Variants in CNTN5 observed in about 807,000 individuals in gnomAD.
CNTN5 encodes the protein contactin 5.
Under a neutral mutation model 129.1 loss-of-function variants are expected in CNTN5, and 77 were observed. The ratio of observed to expected loss-of-function variants is 0.60; its 90% CI spans 0.50 to 0.72. The LOEUF (loss-of-function observed/expected upper bound fraction) is 0.72, where lower values mean the gene tolerates loss of function less well. Ranked by LOEUF, CNTN5 falls within the 30% of genes least tolerant of loss-of-function variation. The probability of loss-of-function intolerance (pLI) is 0.00; values close to 1 mark genes in which losing one functional copy is unlikely to be tolerated. For synonymous variants in CNTN5, 509 were observed against 465.6 expected, an observed-to-expected ratio of 1.09 and a Z score of -1.20; for missense variants, 1,478 against 1,328.8, an observed-to-expected ratio of 1.11 and a Z score of -1.75.
At chr11:99,336,912 A>T (rs1043338692) in intron 2 of CNTN5, among the ~76,000 whole-genome samples, 6 of 152,176 alleles carry the variant, frequency 3.9e-5, no homozygotes, top group Admixed American at 6.5e-5. Flanking sequence ...CAGCATGACA[A>T]TTCACAATAG....
At chr11:99,864,315 C>G (rs75376105) in intron 6 of CNTN5, among the ~76,000 whole-genome samples, 1 of 151,856 alleles carries the variant, frequency 6.6e-6, no homozygotes, top group Admixed American at 6.6e-5. Context: ...TAACAGATTA[C>G]TACTCCCTTT....
At chr11:99,770,257 A>G (rs1422025588) in intron 3 of CNTN5, among the ~76,000 whole-genome samples, 3 of 152,132 alleles carry the variant, frequency 2.0e-5, no homozygotes, top group Non-Finnish European at 4.4e-5. Flanking sequence ...AAAATATAAA[A>G]ACATTTACAT....
intron 3 of CNTN5, among the ~76,000 whole-genome samples, chr11:99,777,488 T>C (rs1180721596): frequency 6.6e-6 from 1 of 151,910 alleles, no homozygotes; most frequent in Non-Finnish European, 1.5e-5. Context: ...AAAAATAACA[T>C]GTTTGGAATT....
At chr11:99,541,579 T>C (rs180853748) in intron 2 of CNTN5, among the ~76,000 whole-genome samples, 1 of 152,230 alleles carries the variant, frequency 6.6e-6, no homozygotes, top group Admixed American at 6.5e-5. Context: ...GATACAAGAT[T>C]GCTCAGGGAA....
intron 2 of CNTN5, among the ~76,000 whole-genome samples, chr11:99,328,196 G>A (rs1239338433): frequency 6.6e-6 from 1 of 152,158 alleles, no homozygotes; most frequent in African/African-American, 2.4e-5. Flanking sequence ...TAAATTAACA[G>A]TGCTACTACT....
intron 3 of CNTN5, among the ~76,000 whole-genome samples, chr11:99,739,921 T>C (rs998360361): frequency 2.0e-5 from 3 of 152,138 alleles, no homozygotes; most frequent in African/African-American, 7.2e-5. Flanking sequence ...ACCATAACCT[T>C]GAGTTGTCTG....
intron 15 of CNTN5, among the ~76,000 whole-genome samples, chr11:100,205,312 C>T (rs962396311): frequency 1.3e-5 from 2 of 152,156 alleles, no homozygotes; most frequent in Admixed American, 1.3e-4. Context: ...TCAGAATCCT[C>T]TAGTTTCTTT....
intron 3 of CNTN5, among the ~76,000 whole-genome samples, chr11:99,671,490 A>G (rs538916871): frequency 6.6e-6 from 1 of 152,144 alleles, no homozygotes; most frequent in African/African-American, 2.4e-5. Context: ...AGTGAAACAC[A>G]TGCAAATAGC....
intron 3 of CNTN5, among the ~76,000 whole-genome samples, chr11:99,569,937 C>T (rs950533629): frequency 1.3e-5 from 2 of 151,672 alleles, no homozygotes; most frequent in East Asian, 1.9e-4. Context: ...ATTATCTTAG[C>T]TTAGTTCAGG....
chr11:100,231,305 G>T (rs1264476463), intron 16 of CNTN5, among the ~76,000 whole-genome samples: 1 of 152,124 alleles, frequency 6.6e-6, no homozygotes, highest in Non-Finnish European at 1.5e-5. Flanking sequence ...AAAGCAGATG[G>T]GACAATAACG....
At chr11:100,273,638 G>A (rs569363371) in intron 18 of CNTN5, among the ~76,000 whole-genome samples, 2 of 152,138 alleles carry the variant, frequency 1.3e-5, no homozygotes, top group Non-Finnish European at 2.9e-5. Flanking sequence ...CAGGCACACA[G>A]TTGTCATCAG....
At chr11:99,488,498 G>A (rs1006175490) in intron 2 of CNTN5, among the ~76,000 whole-genome samples, 2 of 152,058 alleles carry the variant, frequency 1.3e-5, no homozygotes, top group Non-Finnish European at 2.9e-5. Flanking sequence ...TCCTTCTACT[G>A]TGTGGCTTTC....
At position 99,030,204 on chromosome 11, in the gene CNTN5, G is replaced by A. The variant is rs12280190; in HGVS notation, c.-210+8934G>A. 8.6e-3 allele frequency among the ~76,000 whole-genome samples: 1,299 copies of A among 151,506 alleles called. 19 individuals carry two copies. The highest frequency in any genetic ancestry group is 0.03 in the African/African-American group (1,225 of 41,334). On this transcript the variant is annotated intron_variant, in intron 1 of 24. Transcript: ENST00000524871. ...CTACTAACTCATAGTTTTTTTTTGC[G>A]AGAAGGAAATGAGACTGTAGATTTA...
rs1591524798 is a variant in CNTN5, at chr11:99,325,443, C to G, written c.-112C>G. The G allele has an allele frequency of 6.6e-6, 1 of 152,048 alleles. No individual in the cohort carries two copies. 9.4% of individuals were successfully genotyped at this position (152,048 alleles called of 1,614,324 possible). A position where few individuals can be genotyped will look rare whatever the true frequency, so the allele number is the denominator to read the frequency against. On this transcript the variant is annotated 5_prime_UTR_variant, in exon 2 of 25. Transcript: ENST00000524871. The stretch of plus-strand genomic sequence containing the variant: ...AGGATTACTTTACAGATACCAGTTC[C>G]TTTGTCAAGAGCATACTTTGGACCC...
intron 3 of CNTN5, among the ~76,000 whole-genome samples, chr11:99,578,170 A>G (rs976257566): frequency 6.6e-6 from 1 of 151,884 alleles, no homozygotes; most frequent in Non-Finnish European, 1.5e-5. Context: ...ATCCTTTTTC[A>G]TGGCTGCATA....
chr11:100,273,670 G>A (rs537850890), intron 18 of CNTN5, among the ~76,000 whole-genome samples: 11 of 152,154 alleles, frequency 7.2e-5, no homozygotes, highest in East Asian at 1.9e-4. Flanking sequence ...CACCACCATC[G>A]CTCCAGGCCC....
At chr11:100,005,500 G>T (rs559348905) in intron 9 of CNTN5, among the ~76,000 whole-genome samples, 1 of 152,174 alleles carries the variant, frequency 6.6e-6, no homozygotes, top group East Asian at 1.9e-4. Flanking sequence ...GCTTTTAAGT[G>T]CACAATACAA....
At chr11:99,344,226 A>G (rs1866651329) in intron 2 of CNTN5, among the ~76,000 whole-genome samples, 1 of 152,200 alleles carries the variant, frequency 6.6e-6, no homozygotes, top group Non-Finnish European at 1.5e-5. Context: ...CTTGCTGATA[A>G]GTAAAATTAA....
rs370699713 is a variant in CNTN5, at chr11:100,036,321, G to A, written c.981-24891G>A. Among the ~76,000 whole-genome samples, 866 of 151,958 alleles carry A rather than the reference G, an allele frequency of 5.7e-3. 6 individuals carry two copies. Among genetic ancestry groups the A allele is most frequent in the Admixed American group, 0.048 (724 of 15,222 alleles). On this transcript the variant is annotated intron_variant, in intron 9 of 24. Coordinates refer to ENST00000524871, the MANE Select transcript of CNTN5 (RefSeq NM_014361.4). ...CTGAGGGCTCTGTTCTGTTCCATTG[G>A]TCTATATCTCTGTTTTGGTACCAGT... is the stretch of plus-strand genomic sequence containing the variant.
Sources: gnomAD v4.1 joint callset for allele counts (sites outside exome capture counted in the v4.1 genomes callset) on GRCh38, gnomAD v4.1.1 for gene constraint, MANE v1.5 for transcripts, NCBI Gene and HGNC (gene_info 2026-07-23, HGNC 2026-07-21) for gene names.